The following GLP2R variants were observed in gnomAD, a reference collection of about 807,000 sequenced individuals.
GLP2R encodes the protein glucagon like peptide 2 receptor.
In GLP2R, 59 loss-of-function variants were observed where a neutral mutation model predicts 68.2. That is an observed-to-expected ratio of 0.87 (90% CI 0.70 to 1.07). The LOEUF (loss-of-function observed/expected upper bound fraction) is 1.07. Among genes scored for constraint, GLP2R ranks in the 50% least tolerant of loss-of-function variants. The pLI, the probability that GLP2R is intolerant of heterozygous loss-of-function variation, is 0.00. For synonymous variants in GLP2R, 270 were observed against 265.4 expected, an observed-to-expected ratio of 1.02 and a Z score of -0.17; for missense variants, 548 against 677.4, an observed-to-expected ratio of 0.81 and a Z score of 2.12.
At chr17:9,863,681 A>G (rs2067007257) in intron 9 of GLP2R, among the ~76,000 whole-genome samples, 1 of 152,172 alleles carries the variant, frequency 6.6e-6, no homozygotes, top group Non-Finnish European at 1.5e-5. Flanking sequence ...TGGGTCAGGC[A>G]TCATTCTCTC....
rs1194615306 is a variant in GLP2R at position 9,884,680 on chromosome 17, A to G, written c.1285-3252A>G. Among the ~76,000 whole-genome samples, 3 of 150,020 alleles carry G rather than the reference A, an allele frequency of 2.0e-5. 1 individual carries two copies. Among genetic ancestry groups the G allele is most frequent in the Admixed American group, 2.0e-4 (3 of 15,242 alleles). ...TGAAGTGTGGTATGAGCAGTTGGAC[A>G]ATATTTTTTTCCCTCCTGTTGGAGT... On this transcript the variant is annotated intron_variant, in intron 11 of 12. Transcript: ENST00000262441.
intron 11 of GLP2R, among the ~76,000 whole-genome samples, chr17:9,885,231 C>T (rs978599721): frequency 6.7e-6 from 1 of 150,102 alleles, no homozygotes; most frequent in Non-Finnish European, 1.5e-5. Flanking sequence ...CTCTTGTTGC[C>T]CAGGCTGGAG....
chr17:9,852,490 T>C (rs910134025), intron 4 of GLP2R, among the ~76,000 whole-genome samples: 1 of 152,118 alleles, frequency 6.6e-6, no homozygotes, highest in African/African-American at 2.4e-5. Context: ...ATTAGAAAAT[T>C]GGAAAAATAT....
intron 9 of GLP2R, 66 bp from the exon 10 acceptor site, chr17:9,870,681 G>A: frequency 1.3e-6 from 1 of 799,314 alleles, no homozygotes; most frequent in South Asian, 1.4e-5. Flanking sequence ...AGCCCAGCCT[G>A]ACCTTGAAGT....
chr17:9,868,580 T>C (rs973295463), intron 9 of GLP2R, among the ~76,000 whole-genome samples: 2 of 152,126 alleles, frequency 1.3e-5, no homozygotes, highest in South Asian at 2.1e-4. Context: ...TGTGTGAAAA[T>C]GAAGAACAGC....
At chr17:9,840,951 A>C (rs1311374946) in intron 3 of GLP2R, among the ~76,000 whole-genome samples, 2 of 151,952 alleles carry the variant, frequency 1.3e-5, no homozygotes, top group Non-Finnish European at 2.9e-5. Context: ...GCTTCGTGAA[A>C]GGCCAGAAGA....
At chr17:9,845,762 T>C (rs867071631) in intron 4 of GLP2R, among the ~76,000 whole-genome samples, 2,037 of 151,864 alleles carry the variant, frequency 0.013, 54 homozygotes, top group African/African-American at 0.047. Context: ...TGTGTGTGTG[T>C]GTGTGTGTGT....
chr17:9,831,343 C>T (rs1006412239), intron 1 of GLP2R, among the ~76,000 whole-genome samples: 1 of 152,160 alleles, frequency 6.6e-6, no homozygotes, highest in African/African-American at 2.4e-5. Flanking sequence ...AACTCCAGCC[C>T]TGTGCTGGGG....
intron 3 of GLP2R, among the ~76,000 whole-genome samples, chr17:9,840,577 G>T (rs1356231273): frequency 6.6e-6 from 1 of 152,214 alleles, no homozygotes; most frequent in Non-Finnish European, 1.5e-5. Context: ...ATTCTTGCAG[G>T]AGAGACAGAC....
At chr17:9,870,541 A>G (rs1025461266) in intron 9 of GLP2R, among the ~76,000 whole-genome samples, 5 of 152,158 alleles carry the variant, frequency 3.3e-5, no homozygotes, top group African/African-American at 1.2e-4. Context: ...GGAGATTCAG[A>G]TGGCCTTTGG....
chr17:9,873,037 G>A (rs935768178), intron 10 of GLP2R, among the ~76,000 whole-genome samples: 4 of 152,180 alleles, frequency 2.6e-5, no homozygotes, highest in African/African-American at 7.2e-5. Context: ...GCCTCCAGTC[G>A]AGGCTCCAAG....
chr17:9,855,766 G>C (rs1023420230), intron 5 of GLP2R, among the ~76,000 whole-genome samples: 1 of 152,166 alleles, frequency 6.6e-6, no homozygotes, highest in Non-Finnish European at 1.5e-5. Flanking sequence ...CAAGATCACC[G>C]GCTGGTGGGT....
intron 10 of GLP2R, among the ~76,000 whole-genome samples, chr17:9,876,689 G>A (rs149522153): frequency 3.9e-5 from 6 of 152,284 alleles, no homozygotes; most frequent in African/African-American, 1.2e-4. Context: ...CTGCTTCTGT[G>A]ATTTTCTCAA....
intron 8 of GLP2R, among the ~76,000 whole-genome samples, chr17:9,861,563 G>C (rs188059250): frequency 6.6e-6 from 1 of 152,116 alleles, no homozygotes; most frequent in East Asian, 1.9e-4. Context: ...TGAACAAACT[G>C]TAATATACCT....
chr17:9,846,224 T>C (rs573516832), intron 4 of GLP2R, among the ~76,000 whole-genome samples: 257 of 152,298 alleles, frequency 1.7e-3, no homozygotes, highest in African/African-American at 5.3e-3. Context: ...ATTCTCTAAA[T>C]AATACCAATT....
chr17:9,860,536 C>T (rs1305877346), intron 7 of GLP2R, among the ~76,000 whole-genome samples: 1 of 152,152 alleles, frequency 6.6e-6, no homozygotes, highest in Non-Finnish European at 1.5e-5. Flanking sequence ...TGTATTCTCA[C>T]ATGGTGAGGA....
intron 2 of GLP2R, among the ~76,000 whole-genome samples, chr17:9,834,257 C>T (rs2066706628): frequency 6.6e-6 from 1 of 152,172 alleles, no homozygotes; most frequent in Non-Finnish European, 1.5e-5. Flanking sequence ...AGTACAGAAA[C>T]ACAGACCCCA....
At position 9,843,825 on chromosome 17, in the gene GLP2R, G is replaced by A. The variant is rs1349384229; in HGVS notation, c.504+1209G>A. Reference sequence around the variant, plus strand: ...CATTCCGATGGTCAGGCCACAAACAGTAATGAAGCATATACGATGGGTTAG... The same window carrying A: ...CATTCCGATGGTCAGGCCACAAACAATAATGAAGCATATACGATGGGTTAG... On this transcript the variant is annotated intron_variant, in intron 4 of 12. Transcript: ENST00000262441. Among the ~76,000 whole-genome samples, 3 of 152,356 alleles carry A rather than the reference G, an allele frequency of 2.0e-5. No individual in the cohort carries two copies. The South Asian group carries it at 6.2e-4, about 32-fold the overall frequency.
At chr17:9,835,606 G>A (rs2066721194) in intron 2 of GLP2R, among the ~76,000 whole-genome samples, 1 of 152,152 alleles carries the variant, frequency 6.6e-6, no homozygotes. Flanking sequence ...TATTCCGCTG[G>A]TCGTTTTGTA....
Sources: gnomAD v4.1 joint callset for allele counts (sites outside exome capture counted in the v4.1 genomes callset) on GRCh38, gnomAD v4.1.1 for gene constraint, MANE v1.5 for transcripts, NCBI Gene and HGNC (gene_info 2026-07-23, HGNC 2026-07-21) for gene names.